The following KLRG1 variants were observed in gnomAD, a reference collection of about 807,000 sequenced individuals.
The protein encoded by KLRG1 is killer cell lectin-like receptor subfamily G member 1.
A neutral mutation model predicts 21.8 loss-of-function variants in KLRG1; 16 were observed. That is an observed-to-expected ratio of 0.73 (90% CI 0.50 to 1.11). KLRG1 has a LOEUF of 1.11. Ranked by LOEUF, KLRG1 falls within the 50% of genes most tolerant of loss-of-function variation. The pLI, the probability that KLRG1 is intolerant of heterozygous loss-of-function variation, is 0.00. For synonymous variants in KLRG1, 69 were observed against 75.9 expected, an observed-to-expected ratio of 0.91 and a Z score of 0.47; for missense variants, 173 against 218.3, an observed-to-expected ratio of 0.79 and a Z score of 1.31.
At chr12:9,202,425 G>A in the KLRG1 span, 1 of 1,613,274 alleles carries the variant, frequency 6.2e-7, no homozygotes, top group African/African-American at 1.3e-5. Context: ...GGTAATTTGG[G>A]TAATAAGACA....
chr12:9,203,811 TC>T, the KLRG1 span: 1 of 1,613,946 alleles, frequency 6.2e-7, no homozygotes, highest in Non-Finnish European at 8.5e-7. Flanking sequence ...CGCCACCAGG[TC>T]AGTGAAGAGG....
At chr12:9,202,640 G>A in the KLRG1 span, 1 of 1,614,106 alleles carries the variant, frequency 6.2e-7, no homozygotes, top group Non-Finnish European at 8.5e-7. Flanking sequence ...CCTTTATCTG[G>A]ATGCTAAGGA....
chr12:9,060,581 A>G, the KLRG1 span, among the ~76,000 whole-genome samples: 1 of 152,090 alleles, frequency 6.6e-6, no homozygotes, highest in Non-Finnish European at 1.5e-5. Flanking sequence ...CAGTGAGCTG[A>G]GATTGCGCCA....
intron 3 of KLRG1, among the ~76,000 whole-genome samples, chr12:9,001,591 G>A (rs1196317967): frequency 2.0e-5 from 3 of 152,164 alleles, no homozygotes; most frequent in South Asian, 2.1e-4. Context: ...CCCCCTGGCC[G>A]TGGACATATG....
At chr12:8,973,853 T>C (rs968229930) in intron 1 of KLRG1, among the ~76,000 whole-genome samples, 4 of 152,224 alleles carry the variant, frequency 2.6e-5, no homozygotes, top group African/African-American at 9.6e-5. Flanking sequence ...AAATTTTCCT[T>C]TTCAGATAGT....
chr12:9,086,882 G>T, the KLRG1 span, among the ~76,000 whole-genome samples: 1 of 152,154 alleles, frequency 6.6e-6, no homozygotes, highest in East Asian at 1.9e-4. Flanking sequence ...TTATATATTG[G>T]AAGCTCAAAA....
the KLRG1 span, among the ~76,000 whole-genome samples, chr12:9,110,623 A>G: frequency 6.6e-6 from 1 of 151,704 alleles, no homozygotes; most frequent in South Asian, 2.1e-4. Context: ...ATTATCATCC[A>G]TAATCATTAT....
At chr12:9,068,735 C>T in the KLRG1 span, 1 of 1,587,684 alleles carries the variant, frequency 6.3e-7, no homozygotes, top group African/African-American at 1.3e-5. Context: ...ATCACTCTCA[C>T]TCACCCGTCT....
At chr12:9,067,392 C>A in the KLRG1 span, 1 of 280,106 alleles carries the variant, frequency 3.6e-6, no homozygotes, top group East Asian at 9.4e-5. Context: ...GTATTTCATT[C>A]TACTTCATTT....
chr12:8,952,743 C>T (rs908115888), intron 1 of KLRG1, among the ~76,000 whole-genome samples: 1 of 152,304 alleles, frequency 6.6e-6, no homozygotes, highest in East Asian at 1.9e-4. Flanking sequence ...AGGACATCCT[C>T]TCATCAAAAT....
At chr12:9,163,921 G>T in the KLRG1 span, 3 of 1,278,762 alleles carry the variant, frequency 2.3e-6, no homozygotes, top group Non-Finnish European at 3.2e-6. Context: ...CAAGGTTAAT[G>T]TATACTAAGT....
the KLRG1 span, among the ~76,000 whole-genome samples, chr12:9,016,600 C>A: frequency 5.9e-5 from 9 of 152,236 alleles, no homozygotes; most frequent in African/African-American, 2.2e-4. Context: ...AATACCAATC[C>A]TACTCAAATT....
chr12:8,994,291 C>T (rs900166456), intron 2 of KLRG1, among the ~76,000 whole-genome samples: 1 of 152,080 alleles, frequency 6.6e-6, no homozygotes, highest in Non-Finnish European at 1.5e-5. Context: ...ATCTTGAACT[C>T]CTGGCCTCAT....
chr12:9,160,545 CATT>C, the KLRG1 span: 16 of 1,529,438 alleles, frequency 1.0e-5, no homozygotes, highest in Middle Eastern at 1.8e-4. Context: ...AAATAGCCAA[CATT>C]ATTAACAAAA....
chr12:9,165,481 T>C, the KLRG1 span: 1 of 1,184,566 alleles, frequency 8.4e-7, no homozygotes, highest in East Asian at 2.5e-5. Context: ...TAAGGGTATA[T>C]GCGAGTGTGC....
At chr12:9,107,537 T>C in the KLRG1 span, 1 of 1,613,928 alleles carries the variant, frequency 6.2e-7, no homozygotes, top group Non-Finnish European at 8.5e-7. Flanking sequence ...TCCACTGAAT[T>C]TCTCACAGAA....
chr12:9,072,341 A>G, the KLRG1 span: 1 of 1,612,722 alleles, frequency 6.2e-7, no homozygotes, highest in Non-Finnish European at 8.5e-7. Context: ...ATTAGGTGAT[A>G]GAGTCAGAAG....
At chr12:9,134,541 A>C in the KLRG1 span, among the ~76,000 whole-genome samples, 1 of 152,104 alleles carries the variant, frequency 6.6e-6, no homozygotes, top group African/African-American at 2.4e-5. Context: ...GCTTCACTGA[A>C]ATTTTATGTC....
At chr12:9,158,752 C>CTT in the KLRG1 span, among the ~76,000 whole-genome samples, 528 of 97,468 alleles carry the variant, frequency 5.4e-3, 6 homozygotes, top group Middle Eastern at 0.015. Flanking sequence ...TTTTTCTTTT[C>CTT]TTTTCTTTTT....
Sources: gnomAD v4.1 joint callset for allele counts (sites outside exome capture counted in the v4.1 genomes callset) on GRCh38, gnomAD v4.1.1 for gene constraint, MANE v1.5 for transcripts, NCBI Gene and HGNC (gene_info 2026-07-23, HGNC 2026-07-21) for gene names.